Variants in PRORP observed in about 807,000 individuals in gnomAD.
PRORP encodes protein only RNase P catalytic subunit, also known as mitochondrial ribonuclease P catalytic subunit.
PRORP carries 51 observed loss-of-function variants against 59.4 expected under a neutral mutation model. The ratio of observed to expected loss-of-function variants is 0.86; its 90% CI spans 0.69 to 1.08. PRORP has a LOEUF of 1.08. Among genes scored for constraint, PRORP ranks in the 50% least tolerant of loss-of-function variants. The pLI is 0.00. For synonymous variants in PRORP, 231 were observed against 245.6 expected (o/e 0.94, Z 0.55); for missense variants, 646 against 690.3 (o/e 0.94, Z 0.72).
At chr14:35,124,890 C>G (rs1336947307) in intron 2 of PRORP, among the ~76,000 whole-genome samples, 1 of 139,384 alleles carries the variant, frequency 7.2e-6, no homozygotes, top group Non-Finnish European at 1.5e-5. Flanking sequence ...TTTTTTGAGA[C>G]GGAGTTTTGC....
chr14:35,216,847 G>A (rs1480511425), intron 5 of PRORP, among the ~76,000 whole-genome samples: 1 of 152,116 alleles, frequency 6.6e-6, no homozygotes, highest in Admixed American at 6.6e-5. Flanking sequence ...GTACTAATAG[G>A]TGTGAAGTGG....
intron 4 of PRORP, among the ~76,000 whole-genome samples, chr14:35,162,973 TC>T (rs1319294519): frequency 2.0e-5 from 3 of 152,170 alleles, no homozygotes; most frequent in African/African-American, 7.2e-5. Context: ...TTTTGGACTT[TC>T]TGTTCTGATT....
chr14:35,202,110 C>CA (rs1257264266), intron 5 of PRORP, among the ~76,000 whole-genome samples: 1 of 151,682 alleles, frequency 6.6e-6, no homozygotes, highest in Non-Finnish European at 1.5e-5. Context: ...GCTGGGACTA[C>CA]AGGCGCCCGC....
chr14:35,224,312 T>C (rs1258738265), intron 5 of PRORP, among the ~76,000 whole-genome samples: 1 of 152,228 alleles, frequency 6.6e-6, no homozygotes, highest in Non-Finnish European at 1.5e-5. Flanking sequence ...ATCTAAGTTA[T>C]CAAGGACAGA....
chr14:35,214,823 C>G (rs1283539697), intron 5 of PRORP, among the ~76,000 whole-genome samples: 1 of 152,180 alleles, frequency 6.6e-6, no homozygotes, highest in Non-Finnish European at 1.5e-5. Flanking sequence ...AAGAGAATCG[C>G]TTGAACCCAG....
chr14:35,148,782 C>G (rs113612237), intron 4 of PRORP, among the ~76,000 whole-genome samples: 10,710 of 152,164 alleles, frequency 0.07, 506 homozygotes, highest in Non-Finnish European at 0.11. Context: ...GATCTTAGAT[C>G]TTCTGGATAG....
chr14:35,157,274 T>TA (rs1430181933), intron 4 of PRORP, among the ~76,000 whole-genome samples: 2 of 152,044 alleles, frequency 1.3e-5, no homozygotes, highest in African/African-American at 4.8e-5. Context: ...TTTCAAAATA[T>TA]ACTTAGGAGC....
rs569849370 is a variant in PRORP at position 35,273,835 on chromosome 14, T to C, written c.*269T>C. 3.0e-5 allele frequency: 7 copies of C among 235,670 alleles called. No homozygotes were observed. The East Asian group carries it at 6.7e-4, about 23-fold the overall frequency. 14.6% of individuals were successfully genotyped at this position (235,670 alleles called of 1,614,324 possible). A position where few individuals can be genotyped will look rare whatever the true frequency, so the allele number is the denominator to read the frequency against. ...CCTGCATTTCTCCTACTGGGCCAGC[T>C]ATTCCACTTAGCTTGGGTGACTAAT... On this transcript the variant is annotated 3_prime_UTR_variant, in exon 8 of 8. Transcript: ENST00000534898.
intron 4 of PRORP, among the ~76,000 whole-genome samples, chr14:35,179,187 T>G (rs571880083): frequency 2.6e-5 from 4 of 152,344 alleles, no homozygotes; most frequent in African/African-American, 9.6e-5. Flanking sequence ...TTTCCTTCAT[T>G]TCAACTTTAG....
At chr14:35,134,254 C>T (rs1216679959) in intron 4 of PRORP, among the ~76,000 whole-genome samples, 2 of 152,140 alleles carry the variant, frequency 1.3e-5, no homozygotes, top group Non-Finnish European at 2.9e-5. Context: ...CACCGTGTGG[C>T]CACCGCCACC....
At chr14:35,265,227 C>T (rs192914019) in intron 5 of PRORP, among the ~76,000 whole-genome samples, 143 of 152,186 alleles carry the variant, frequency 9.4e-4, no homozygotes, top group Admixed American at 1.8e-3. Context: ...CTTTTCCAAC[C>T]AAGACCCAAG....
intron 5 of PRORP, among the ~76,000 whole-genome samples, chr14:35,204,938 C>T (rs2049253259): frequency 6.6e-6 from 1 of 152,146 alleles, no homozygotes; most frequent in Admixed American, 6.5e-5. Flanking sequence ...CACATTATTT[C>T]ATTTAATCCT....
At chr14:35,158,642 T>C in intron 4 of PRORP, 1 of 376,230 alleles carries the variant, frequency 2.7e-6, no homozygotes, top group Non-Finnish European at 5.3e-6. Flanking sequence ...TCTGTTCACT[T>C]GTGATTCTGC....
rs2047005814 is a variant in PRORP at position 35,123,670 on chromosome 14, G to T, written c.425G>T (p.Ser142Ile). 6.2e-7 allele frequency: 1 copy of T among 1,614,084 alleles called. No homozygotes were observed. The highest frequency in any genetic ancestry group is 1.7e-5 in the Admixed American group (1 of 60,000). The change falls in exon 2 of 8, where the codon AGT becomes ATT. Residue 142 changes from serine to isoleucine, a missense_variant. Transcript: ENST00000534898. ...KENTGKTSFE[S>I]WIISQMAGCH... Reference sequence around the variant, plus strand: ...AACACCGGAAAGACCAGTTTCGAAAGTTGGATCATTTCACAGATGGCTGGC... The same window carrying T: ...AACACCGGAAAGACCAGTTTCGAAATTTGGATCATTTCACAGATGGCTGGC...
intron 5 of PRORP, among the ~76,000 whole-genome samples, chr14:35,192,354 CTG>C (rs1403070544): frequency 2.0e-5 from 3 of 152,180 alleles, no homozygotes. Context: ...TCACTTCTGT[CTG>C]TATTTTCAGT....
intron 4 of PRORP, among the ~76,000 whole-genome samples, chr14:35,170,495 T>C (rs11847515): frequency 0.18 from 27,999 of 152,110 alleles, 2,814 homozygotes; most frequent in Admixed American, 0.27. Context: ...TTAATTCAGT[T>C]TACTTACAGT....
intron 6 of PRORP, 84 bp downstream of exon 6, chr14:35,266,959 T>C: frequency 7.2e-7 from 1 of 1,386,364 alleles, no homozygotes; most frequent in Non-Finnish European, 9.9e-7. Flanking sequence ...ACCTATCTTT[T>C]AAATGCATGT....
intron 5 of PRORP, among the ~76,000 whole-genome samples, chr14:35,204,394 A>G (rs2049237646): frequency 6.6e-6 from 1 of 152,218 alleles, no homozygotes; most frequent in Non-Finnish European, 1.5e-5. Flanking sequence ...TTAATGAATC[A>G]CATTCTAGTT....
chr14:35,175,141 A>C (rs2048415291), intron 4 of PRORP, among the ~76,000 whole-genome samples: 1 of 151,916 alleles, frequency 6.6e-6, no homozygotes, highest in African/African-American at 2.4e-5. Flanking sequence ...CCAGTCTATC[A>C]TTGATGGACA....
Sources: allele counts gnomAD v4.1 joint callset (sites outside exome capture counted in the v4.1 genomes callset), GRCh38; gene constraint gnomAD v4.1.1; transcripts MANE v1.5; gene names NCBI Gene and HGNC (gene_info 2026-07-23, HGNC 2026-07-21).